The following MDGA2 variants were observed in gnomAD, a reference collection of about 807,000 sequenced individuals.
The protein encoded by MDGA2 is MAM domain-containing glycosylphosphatidylinositol anchor protein 2.
Under a neutral mutation model 117.8 loss-of-function variants are expected in MDGA2, and 40 were observed. That is an observed-to-expected ratio of 0.34 (90% CI 0.26 to 0.44). The LOEUF (loss-of-function observed/expected upper bound fraction) is 0.44, where lower values mean the gene tolerates loss of function less well. Among genes scored for constraint, MDGA2 ranks in the 20% least tolerant of loss-of-function variants. The pLI, the probability that MDGA2 is intolerant of heterozygous loss-of-function variation, is 1.00. For missense variants in MDGA2, 1,123 were observed against 1,250.6 expected (o/e 0.90, Z 1.54); for synonymous variants, 452 against 439.0 (o/e 1.03, Z -0.37).
chr14:46,902,151 T>C (rs1002602037), intron 10 of MDGA2, among the ~76,000 whole-genome samples: 5 of 152,228 alleles, frequency 3.3e-5, no homozygotes, highest in Non-Finnish European at 5.9e-5. Context: ...GTAATGTCTT[T>C]ATATAAATAC....
chr14:47,444,998 A>T (rs1444565784), intron 1 of MDGA2, among the ~76,000 whole-genome samples: 1 of 152,192 alleles, frequency 6.6e-6, no homozygotes, highest in East Asian at 1.9e-4. Flanking sequence ...TTAATAAGTC[A>T]GAGATTAAGA....
intron 1 of MDGA2, among the ~76,000 whole-genome samples, chr14:47,556,198 C>T (rs1895679836): frequency 6.6e-6 from 1 of 152,152 alleles, no homozygotes; most frequent in Non-Finnish European, 1.5e-5. Flanking sequence ...GCAAGTGACA[C>T]ATAGCACAGC....
intron 1 of MDGA2, among the ~76,000 whole-genome samples, chr14:47,610,503 C>A (rs1341054675): frequency 3.9e-5 from 6 of 151,946 alleles, no homozygotes; most frequent in Non-Finnish European, 7.4e-5. Context: ...AGTAGTTCTC[C>A]TATACACCAA....
chr14:47,111,494 A>C (rs1050996907), intron 5 of MDGA2, among the ~76,000 whole-genome samples: 2 of 152,168 alleles, frequency 1.3e-5, no homozygotes, highest in African/African-American at 4.8e-5. Context: ...TTGCAGAAAT[A>C]TTCACCATCC....
chr14:46,909,491 C>T (rs1883619075), intron 10 of MDGA2, among the ~76,000 whole-genome samples: 4 of 152,008 alleles, frequency 2.6e-5, no homozygotes, highest in Admixed American at 2.6e-4. Flanking sequence ...AGGCCTGGTA[C>T]CTGCATCAAC....
chr14:47,334,770 T>C (rs886799598), intron 1 of MDGA2, among the ~76,000 whole-genome samples: 3 of 151,914 alleles, frequency 2.0e-5, no homozygotes, highest in Admixed American at 1.3e-4. Flanking sequence ...ATAATTCAAA[T>C]AGAATAAAAT....
chr14:47,405,398 A>C (rs1463994338), intron 1 of MDGA2, among the ~76,000 whole-genome samples: 1 of 152,218 alleles, frequency 6.6e-6, no homozygotes, highest in Non-Finnish European at 1.5e-5. Flanking sequence ...AGCCATGAAA[A>C]AGATGGTTAC....
At chr14:47,032,908 G>T (rs891971209) in intron 8 of MDGA2, among the ~76,000 whole-genome samples, 14 of 152,168 alleles carry the variant, frequency 9.2e-5, no homozygotes, top group African/African-American at 3.1e-4. Context: ...GCATCCAGTT[G>T]CCTTCCTGGG....
intron 1 of MDGA2, among the ~76,000 whole-genome samples, chr14:47,419,972 G>A (rs890808928): frequency 6.6e-6 from 1 of 152,036 alleles, no homozygotes; most frequent in Non-Finnish European, 1.5e-5. Flanking sequence ...AAGCCTTGTA[G>A]TGTGAATAAA....
chr14:46,860,857 T>C (rs999525743), intron 14 of MDGA2, among the ~76,000 whole-genome samples: 1 of 151,972 alleles, frequency 6.6e-6, no homozygotes, highest in African/African-American at 2.4e-5. Flanking sequence ...ATAAAGCATA[T>C]GCTGTACACA....
chr14:47,303,892 A>G (rs1191971678), intron 1 of MDGA2, among the ~76,000 whole-genome samples: 3 of 152,134 alleles, frequency 2.0e-5, no homozygotes, highest in Non-Finnish European at 2.9e-5. Context: ...CAAAAACATC[A>G]TTATGCAAAT....
intron 1 of MDGA2, among the ~76,000 whole-genome samples, chr14:47,605,527 C>A (rs1896726992): frequency 6.6e-6 from 1 of 152,064 alleles, no homozygotes; most frequent in African/African-American, 2.4e-5. Flanking sequence ...AGAATAAGAT[C>A]ACTTGCCAGA....
chr14:47,182,333 C>T (rs966072709), intron 3 of MDGA2, among the ~76,000 whole-genome samples: 1 of 152,052 alleles, frequency 6.6e-6, no homozygotes, highest in Non-Finnish European at 1.5e-5. Context: ...TGTTGAAGCC[C>T]TAACCCCCAA....
intron 1 of MDGA2, among the ~76,000 whole-genome samples, chr14:47,458,522 ATGT>A (rs1222039761): frequency 6.6e-6 from 1 of 152,096 alleles, no homozygotes; most frequent in Non-Finnish European, 1.5e-5. Flanking sequence ...AAATGGAGAG[ATGT>A]TGGTGAAGGG....
chr14:47,025,616 G>A (rs1022680058), intron 8 of MDGA2, among the ~76,000 whole-genome samples: 1 of 151,780 alleles, frequency 6.6e-6, no homozygotes, highest in Non-Finnish European at 1.5e-5. Flanking sequence ...CATGACATAG[G>A]GGAGAAGGAC....
At chr14:47,516,737 A>G (rs1217693934) in intron 1 of MDGA2, among the ~76,000 whole-genome samples, 1 of 152,172 alleles carries the variant, frequency 6.6e-6, no homozygotes, top group Non-Finnish European at 1.5e-5. Flanking sequence ...CCAAACTTCA[A>G]AGATGACATC....
chr14:47,598,689 A>T (rs1486973191), intron 1 of MDGA2, among the ~76,000 whole-genome samples: 2 of 152,168 alleles, frequency 1.3e-5, no homozygotes, highest in Non-Finnish European at 2.9e-5. Flanking sequence ...AGGGGAAGTT[A>T]TTGTTTAATG....
At chr14:46,953,386 T>G (rs980293439) in intron 9 of MDGA2, among the ~76,000 whole-genome samples, 1 of 151,872 alleles carries the variant, frequency 6.6e-6, no homozygotes, top group Non-Finnish European at 1.5e-5. Flanking sequence ...TTGATAAAAT[T>G]CCTAAATATT....
intron 1 of MDGA2, among the ~76,000 whole-genome samples, chr14:47,462,888 T>C (rs1317570918): frequency 6.6e-6 from 1 of 152,246 alleles, no homozygotes; most frequent in Non-Finnish European, 1.5e-5. Context: ...AAACATCAGA[T>C]GATCAAAGCA....
Sources: gnomAD v4.1 joint callset for allele counts (sites outside exome capture counted in the v4.1 genomes callset) on GRCh38, gnomAD v4.1.1 for gene constraint, MANE v1.5 for transcripts, NCBI Gene and HGNC (gene_info 2026-07-23, HGNC 2026-07-21) for gene names.